PRKAR2B: variants seen among roughly 807,000 people sequenced by gnomAD.
PRKAR2B encodes the protein cAMP-dependent protein kinase type II-beta regulatory subunit.
A neutral mutation model predicts 49.9 loss-of-function variants in PRKAR2B; 14 were observed. The observed-to-expected ratio is 0.28, with a 90% CI of 0.19 to 0.44. The LOEUF (loss-of-function observed/expected upper bound fraction) is 0.44. PRKAR2B is among the 20% of genes least tolerant of loss of function. The probability of loss-of-function intolerance (pLI) is 1.00; values close to 1 mark genes in which losing one functional copy is unlikely to be tolerated. For synonymous variants in PRKAR2B, 196 were observed against 197.7 expected (o/e 0.99, Z 0.07); for missense variants, 393 against 537.9 (o/e 0.73, Z 2.67).
intron 2 of PRKAR2B, among the ~76,000 whole-genome samples, chr7:107,115,431 G>A (rs938774958): frequency 2.6e-5 from 4 of 152,194 alleles, no homozygotes; most frequent in African/African-American, 9.7e-5. Flanking sequence ...TTTTATAGCT[G>A]AAATGTAGCC....
intron 1 of PRKAR2B, among the ~76,000 whole-genome samples, chr7:107,059,337 C>T (rs996324166): frequency 6.6e-6 from 1 of 151,970 alleles, no homozygotes; most frequent in Non-Finnish European, 1.5e-5. Flanking sequence ...GGAGGCCCCT[C>T]GTGTACTCTC....
At chr7:107,128,400 C>T (rs1331723322) in intron 4 of PRKAR2B, 105 bp downstream of exon 4, 4 of 722,080 alleles carry the variant, frequency 5.5e-6, no homozygotes, top group Non-Finnish European at 9.2e-6. Flanking sequence ...AGCTGATCAC[C>T]CTGGGGTGAT....
At chr7:107,094,465 C>G (rs1794797121) in intron 2 of PRKAR2B, among the ~76,000 whole-genome samples, 1 of 152,142 alleles carries the variant, frequency 6.6e-6, no homozygotes, top group African/African-American at 2.4e-5. Context: ...GTTGCCTGTT[C>G]ACTCTGATGG....
rs181105812 is a variant in PRKAR2B, at chr7:107,099,371, C to T, written c.344-22581C>T. ...GTTTGCTAAGACTGTTGGAAAAGCG[C>T]AGTATTAGGGTGGGAGTGTCCCGAT... On this transcript the variant is annotated intron_variant, in intron 2 of 10. Transcript: ENST00000265717. 1.2e-3 allele frequency among the ~76,000 whole-genome samples: 177 copies of T among 152,234 alleles called. 1 individual carries two copies. The highest frequency in any genetic ancestry group is 4.1e-3 in the African/African-American group (170 of 41,532).
chr7:107,141,457 G>T (rs959919825), intron 5 of PRKAR2B, among the ~76,000 whole-genome samples: 1 of 152,158 alleles, frequency 6.6e-6, no homozygotes, highest in East Asian at 1.9e-4. Context: ...TTGGGAAGCC[G>T]AGGCCAGTGG....
intron 2 of PRKAR2B, among the ~76,000 whole-genome samples, chr7:107,102,290 A>G (rs930037259): frequency 6.6e-6 from 1 of 152,240 alleles, no homozygotes; most frequent in Non-Finnish European, 1.5e-5. Flanking sequence ...CAGTTTACAA[A>G]TGATGCCATG....
At chr7:107,157,789 G>T (rs916442593) in intron 10 of PRKAR2B, among the ~76,000 whole-genome samples, 13 of 152,198 alleles carry the variant, frequency 8.5e-5, no homozygotes, top group African/African-American at 2.9e-4. Context: ...TTGCTGTTCA[G>T]TTGTTATTAC....
chr7:107,099,499 C>A (rs759811899), intron 2 of PRKAR2B, among the ~76,000 whole-genome samples: 1 of 152,074 alleles, frequency 6.6e-6, no homozygotes, highest in Non-Finnish European at 1.5e-5. Flanking sequence ...CACCGTGGGC[C>A]GCACCCACTG....
intron 4 of PRKAR2B, among the ~76,000 whole-genome samples, chr7:107,133,340 AC>A (rs1255382990): frequency 6.6e-6 from 1 of 152,236 alleles, no homozygotes; most frequent in Non-Finnish European, 1.5e-5. Flanking sequence ...CAAAATAGTT[AC>A]TATAGCAATT....
At chr7:107,142,568 C>T (rs1366413166) in intron 5 of PRKAR2B, among the ~76,000 whole-genome samples, 1 of 152,086 alleles carries the variant, frequency 6.6e-6, no homozygotes, top group African/African-American at 2.4e-5. Flanking sequence ...AGATCCTAGT[C>T]ACCCATTTGG....
intron 1 of PRKAR2B, among the ~76,000 whole-genome samples, chr7:107,048,524 C>G (rs961743470): frequency 6.6e-6 from 1 of 152,126 alleles, no homozygotes; most frequent in African/African-American, 2.4e-5. Flanking sequence ...TTTGACCATG[C>G]AACTTGTGCC....
intron 4 of PRKAR2B, among the ~76,000 whole-genome samples, chr7:107,135,250 A>G (rs1175620879): frequency 6.6e-6 from 1 of 152,164 alleles, no homozygotes; most frequent in Non-Finnish European, 1.5e-5. Flanking sequence ...ATGAAATACC[A>G]CTTCATCCCC....
chr7:107,077,492 A>G (rs1321667693), intron 2 of PRKAR2B: 3 of 152,240 alleles, frequency 2.0e-5, no homozygotes, highest in Admixed American at 6.5e-5. Flanking sequence ...TACGAGGACT[A>G]TAAGGAGAGA....
chr7:107,112,693 G>A (rs967235561), intron 2 of PRKAR2B, among the ~76,000 whole-genome samples: 4 of 152,036 alleles, frequency 2.6e-5, no homozygotes, highest in African/African-American at 9.6e-5. Flanking sequence ...AACTTTTCAA[G>A]AAGAAATGCT....
intron 1 of PRKAR2B, among the ~76,000 whole-genome samples, chr7:107,052,367 G>A (rs1284925254): frequency 6.6e-6 from 1 of 152,070 alleles, no homozygotes; most frequent in Non-Finnish European, 1.5e-5. Context: ...GCAGTGAGCC[G>A]AGATTGCGCC....
At chr7:107,068,627 A>C (rs745457353) in intron 1 of PRKAR2B, 13 of 152,168 alleles carry the variant, frequency 8.5e-5, no homozygotes, top group Non-Finnish European at 1.8e-4. Flanking sequence ...TATGTCTTTC[A>C]GTCACTTTGG....
intron 2 of PRKAR2B, chr7:107,091,682 CT>C (rs1325623043): frequency 2.6e-5 from 4 of 152,142 alleles, no homozygotes; most frequent in African/African-American, 9.7e-5. Context: ...ACTTCTAGTG[CT>C]TACAAGGAAA....
intron 2 of PRKAR2B, among the ~76,000 whole-genome samples, chr7:107,087,036 T>C (rs1374176333): frequency 6.6e-6 from 1 of 152,166 alleles, no homozygotes; most frequent in Non-Finnish European, 1.5e-5. Flanking sequence ...GTGAAACTTT[T>C]TCACACATAG....
chr7:107,065,306 T>C lies in PRKAR2B; in HGVS notation c.308-4975T>C, dbSNP rs938818145. On this transcript the variant is annotated intron_variant, in intron 1 of 10. Transcript: ENST00000265717. ...GGGTAGTTTGTTTTTTATTTTTGTT[T>C]GCTCGGGGTGTGTGTATGTGTGTGT... Among the ~76,000 whole-genome samples the C allele has an allele frequency of 2.0e-5, 3 of 149,942 alleles. No homozygotes were observed. In the Admixed American group the frequency reaches 2.0e-4, roughly 10 times the overall value.
Sources: gnomAD v4.1 joint callset for allele counts (sites outside exome capture counted in the v4.1 genomes callset) on GRCh38, gnomAD v4.1.1 for gene constraint, MANE v1.5 for transcripts, NCBI Gene and HGNC (gene_info 2026-07-23, HGNC 2026-07-21) for gene names.